Variants in PHLDB2 observed in about 807,000 individuals in gnomAD.
The protein encoded by PHLDB2 is pleckstrin homology like domain family B member 2, also known as pleckstrin homology-like domain family B member 2.
Under a neutral mutation model 123.6 loss-of-function variants are expected in PHLDB2, and 71 were observed. The ratio of observed to expected loss-of-function variants is 0.57; its 90% CI spans 0.47 to 0.70. The LOEUF is 0.70. PHLDB2 is among the 30% of genes least tolerant of loss of function. PHLDB2 has a pLI of 0.00. For missense variants in PHLDB2, 1,446 were observed against 1,519.5 expected, an observed-to-expected ratio of 0.95 and a Z score of 0.80; for synonymous variants, 547 against 541.6, an observed-to-expected ratio of 1.01 and a Z score of -0.14.
intron 8 of PHLDB2, among the ~76,000 whole-genome samples, chr3:111,944,514 A>C (rs2070153157): frequency 6.6e-6 from 1 of 152,178 alleles, no homozygotes. Context: ...AAAAGCTAAC[A>C]CCATAAAGTT....
chr3:111,784,608 T>A (rs987834676), intron 1 of PHLDB2, among the ~76,000 whole-genome samples: 24 of 152,198 alleles, frequency 1.6e-4, no homozygotes, highest in Non-Finnish European at 5.9e-5. Flanking sequence ...GGATTATTTG[T>A]TCAGTATAAT....
Position 111,956,892 on chromosome 3 carries a change from T to C in PHLDB2, c.2872+2863T>C, listed in dbSNP as rs183212646. The C allele has an allele frequency of 1.4e-4, 21 of 152,300 alleles. No homozygotes were observed. In the East Asian group the frequency reaches 4.1e-3, roughly 29 times the overall value. 9.4% of individuals were successfully genotyped at this position (152,300 alleles called of 1,614,324 possible). On this transcript the variant is annotated intron_variant, in intron 12 of 17. Transcript: ENST00000431670. ...GCAAATACAAGTAAAATTCTATGGA[T>C]TTGAAAAAAATTATACCTGGCATAT...
chr3:111,920,389 G>A lies in PHLDB2; in HGVS notation c.1971G>A (p.Leu657=). The A allele has an allele frequency of 6.2e-7, 1 of 1,613,470 alleles. No homozygotes were observed. The highest frequency in any genetic ancestry group is 8.5e-7 in the Non-Finnish European group (1 of 1,179,736). Residue 657 remains leucine, a synonymous_variant, in exon 5 of 18, where the codon CTG becomes CTA. Coordinates refer to ENST00000431670, the MANE Select transcript of PHLDB2 (RefSeq NM_001134438.2). ...ATCTAAACCGGAAAATAGCTGAACT[G>A]GAAAAGAACATTGTTGGTGAAAAGA... ...LDHLNRKIAE[L]EKNIVGEKTK...
At chr3:111,965,757 G>C (rs1182889883) in intron 13 of PHLDB2, among the ~76,000 whole-genome samples, 1 of 152,138 alleles carries the variant, frequency 6.6e-6, no homozygotes, top group African/African-American at 2.4e-5. Flanking sequence ...AATAAGTTTT[G>C]ACCTAGGTTA....
chr3:111,886,527 A>G (rs954076702), intron 2 of PHLDB2, among the ~76,000 whole-genome samples: 4 of 152,044 alleles, frequency 2.6e-5, no homozygotes, highest in Non-Finnish European at 4.4e-5. Context: ...AGTGTGGCCC[A>G]AGATTGGACA....
chr3:111,735,924 CAT>C (rs945159373), intron 1 of PHLDB2, among the ~76,000 whole-genome samples: 1 of 152,172 alleles, frequency 6.6e-6, no homozygotes, highest in African/African-American at 2.4e-5. Flanking sequence ...TTCTGGGAAA[CAT>C]ACTCACCCAA....
At chr3:111,754,914 G>A (rs1470780573) in intron 1 of PHLDB2, among the ~76,000 whole-genome samples, 7 of 149,544 alleles carry the variant, frequency 4.7e-5, no homozygotes, top group African/African-American at 1.7e-4. Flanking sequence ...ATAATCATGT[G>A]GTTTTTGTCT....
upstream of PHLDB2, chr3:111,859,253 A>T: frequency 1.0e-6 from 1 of 985,450 alleles, no homozygotes; most frequent in Non-Finnish European, 1.2e-6. Flanking sequence ...AAAGCCTGCC[A>T]CGAAAGTCCC....
Position 111,913,317 on chromosome 3 carries a change from A to G in PHLDB2, c.1336-2A>G. The G allele has an allele frequency of 3.8e-6, 6 of 1,582,954 alleles. No individual in the cohort carries two copies. Among genetic ancestry groups the G allele is most frequent in the Non-Finnish European group, 4.3e-6 (5 of 1,166,196 alleles). On this transcript the variant is annotated splice_acceptor_variant, in intron 2 of 17. Coordinates refer to ENST00000431670, the MANE Select transcript of PHLDB2 (RefSeq NM_001134438.2). LOFTEE classifies it high-confidence loss of function. ...GACCTCCCCCTCCTCCCTGTGTTCC[A>G]GGAGAGACAGCGTCTGGAGACCATC...
At chr3:111,748,594 T>C (rs2059719247) in intron 1 of PHLDB2, among the ~76,000 whole-genome samples, 1 of 152,168 alleles carries the variant, frequency 6.6e-6, no homozygotes, top group South Asian at 2.1e-4. Flanking sequence ...CGATCTCGGC[T>C]CACTGCAACC....
chr3:111,945,411 A>G (rs917699417), intron 9 of PHLDB2, 54 bp downstream of exon 9: 28 of 1,315,522 alleles, frequency 2.1e-5, no homozygotes, highest in African/African-American at 1.9e-4. Context: ...CAGGAGATGT[A>G]TTTCAGCTTT....
Position 111,907,738 on chromosome 3 carries a change from C to A in PHLDB2, c.1336-5581C>A, listed in dbSNP as rs141192392. Among the ~76,000 whole-genome samples the A allele has an allele frequency of 2.0e-5, 3 of 152,260 alleles. No homozygotes were observed. In the East Asian group the frequency reaches 5.8e-4, roughly 29 times the overall value. Reference sequence around the variant, plus strand: ...AACTCCTGACCTCTGGTGATCCACACGCCTCAACCTTCCAAAGTTTGGGGA... The same window carrying A: ...AACTCCTGACCTCTGGTGATCCACAAGCCTCAACCTTCCAAAGTTTGGGGA... On this transcript the variant is annotated intron_variant, in intron 2 of 17. Transcript: ENST00000431670.
chr3:111,908,069 C>G (rs189718738), intron 2 of PHLDB2, among the ~76,000 whole-genome samples: 17 of 152,272 alleles, frequency 1.1e-4, no homozygotes, highest in Admixed American at 4.6e-4. Flanking sequence ...ATTTCAGTCT[C>G]CAGCTTGGCT....
chr3:111,808,418 C>T (rs974223768), intron 1 of PHLDB2, among the ~76,000 whole-genome samples: 1 of 151,958 alleles, frequency 6.6e-6, no homozygotes, highest in Non-Finnish European at 1.5e-5. Context: ...GGTTGCCCTT[C>T]ACCTCCACAT....
intron 1 of PHLDB2, among the ~76,000 whole-genome samples, chr3:111,798,212 T>C (rs1022223905): frequency 1.3e-5 from 2 of 152,118 alleles, no homozygotes; most frequent in African/African-American, 4.8e-5. Context: ...ACCTTGGCCT[T>C]TATAATTTAC....
At chr3:111,808,215 G>T (rs2061679978) in intron 1 of PHLDB2, among the ~76,000 whole-genome samples, 1 of 152,046 alleles carries the variant, frequency 6.6e-6, no homozygotes, top group Non-Finnish European at 1.5e-5. Context: ...CAAAATTGTG[G>T]GGTGAACTGT....
At chr3:111,901,858 CT>C (rs1438279217) in intron 2 of PHLDB2, among the ~76,000 whole-genome samples, 2 of 152,110 alleles carry the variant, frequency 1.3e-5, no homozygotes, top group Non-Finnish European at 2.9e-5. Flanking sequence ...TACATAGATG[CT>C]GTATGGAAAT....
At chr3:111,769,491 C>T (rs1342999799) in intron 1 of PHLDB2, among the ~76,000 whole-genome samples, 1 of 152,192 alleles carries the variant, frequency 6.6e-6, no homozygotes, top group Non-Finnish European at 1.5e-5. Flanking sequence ...GTCTTTCCCT[C>T]ATCTGAACAG....
intron 6 of PHLDB2, 122 bp from the exon 7 acceptor site, chr3:111,939,353 C>A: frequency 2.0e-6 from 2 of 1,010,024 alleles, no homozygotes; most frequent in Non-Finnish European, 1.4e-6. Flanking sequence ...TATGTTCTAA[C>A]CCTGGTCAAT....
Sources: gnomAD v4.1 joint callset for allele counts (sites outside exome capture counted in the v4.1 genomes callset) on GRCh38, gnomAD v4.1.1 for gene constraint, MANE v1.5 for transcripts, NCBI Gene and HGNC (gene_info 2026-07-23, HGNC 2026-07-21) for gene names.